Variants in AHNAK observed in about 807,000 individuals in gnomAD.
The protein encoded by AHNAK is AHNAK nucleoprotein.
AHNAK carries 23 observed loss-of-function variants against 37.8 expected under a neutral mutation model. That is an observed-to-expected ratio of 0.61 (90% confidence interval 0.44 to 0.86). AHNAK has a LOEUF of 0.86. Among genes scored for constraint, AHNAK ranks in the 40% least tolerant of loss-of-function variants. AHNAK has a pLI of 0.00. For synonymous variants in AHNAK, 2,481 were observed against 2,636.3 expected, an observed-to-expected ratio of 0.94 and a Z score of 1.80; for missense variants, 7,411 against 7,319.4, an observed-to-expected ratio of 1.01 and a Z score of -0.46.
At position 62,521,597 on chromosome 11, in the gene AHNAK, C is replaced by T; in HGVS notation, c.12820G>A (p.Asp4274Asn). 6.2e-7 allele frequency: 1 copy of T among 1,612,356 alleles called. No homozygotes were observed. ...ACTTTAGGAAGGGAAACATCCACAT[C>T]ACCCTTCACCTTGGGACCTTTCAGA... is the stretch of plus-strand genomic sequence containing the variant. Reference protein sequence around the residue: ...LHLKGPKVKGDVDVSLPKVEG... With the variant: ...LHLKGPKVKGNVDVSLPKVEG... Residue 4274 changes from aspartate to asparagine, a missense_variant, in exon 5 of 5, where the codon GAT (aspartate) becomes AAT (asparagine). By Grantham distance (23) the Asp-to-Asn change is conservative (BLOSUM62 1). Coordinates refer to ENST00000378024, the MANE Select transcript of AHNAK (RefSeq NM_001620.3).
chr11:62,463,422 C>G (rs1400801266), intron 5 of AHNAK, among the ~76,000 whole-genome samples: 2 of 151,948 alleles, frequency 1.3e-5, no homozygotes, highest in Non-Finnish European at 2.9e-5. Context: ...TCGCCTGTCC[C>G]TTTTTCAAGA....
At position 62,531,417 on chromosome 11, in the gene AHNAK, C is replaced by G; in HGVS notation, c.3000G>C (p.Lys1000Asn). The G allele has an allele frequency of 6.2e-7, 1 of 1,614,198 alleles. No individual in the cohort carries two copies. The highest frequency in any genetic ancestry group is 8.5e-7 in the Non-Finnish European group (1 of 1,180,028). ...GCATGCTAAATTTGGGCATTTTAAT[C>G]TTTGGCATCTTCAAGTTCCAGTCAG... is the stretch of plus-strand genomic sequence containing the variant. Reference protein sequence around the residue: ...QGPDWNLKMPKIKMPKFSMPS... With the variant: ...QGPDWNLKMPNIKMPKFSMPS... Residue 1000 changes from lysine (K) to asparagine (N), a missense_variant, in exon 5 of 5, where the codon AAG becomes AAC. By Grantham distance (94) the Lys-to-Asn change is moderately conservative (BLOSUM62 0). Transcript: ENST00000378024.
At position 62,543,028 on chromosome 11, in the gene AHNAK, C is replaced by A. The variant is rs139867034; in HGVS notation, c.-100+3632G>T. ...GCTACCCCCGAGCCCCGCCAGGACA[C>A]GTAGCTGTAGACGGGATCAGCTCCA... On this transcript the variant is annotated intron_variant, in intron 1 of 4. Transcript: ENST00000378024. 2.1e-3 allele frequency among the ~76,000 whole-genome samples: 314 copies of A among 152,270 alleles called. 8 individuals are homozygous for A. The South Asian group carries it at 0.029, about 14-fold the overall frequency.
intron 5 of AHNAK, among the ~76,000 whole-genome samples, chr11:62,456,867 C>T (rs891862077): frequency 6.6e-6 from 1 of 152,196 alleles, no homozygotes; most frequent in Non-Finnish European, 1.5e-5. Flanking sequence ...ATGCCTCCAG[C>T]TCTTTGTCCT....
Position 62,523,701 on chromosome 11 carries a change from C to A in AHNAK, c.10716G>T (p.Leu3572=). 1 of 1,613,432 alleles carries A rather than the reference C, an allele frequency of 6.2e-7. No homozygotes were observed. The highest frequency in any genetic ancestry group is 8.5e-7 in the Non-Finnish European group (1 of 1,179,874). ...DISLPKLEGD[L]KGPEVDIKGP... is the part of the protein sequence containing the mutation. ...CTTTGATATCAACCTCTGGCCCTTTCAGATCCCCTTCAAGTTTGGGAAGAG... is the reference window on the plus strand; with the variant it reads ...CTTTGATATCAACCTCTGGCCCTTTAAGATCCCCTTCAAGTTTGGGAAGAG... The change falls in exon 5 of 5, where the codon CTG becomes CTT. Residue 3572 remains leucine (L), a synonymous_variant. Transcript: ENST00000378024.
At chr11:62,504,931 G>A (rs1193571800) in intron 4 of AHNAK, among the ~76,000 whole-genome samples, 1 of 152,118 alleles carries the variant, frequency 6.6e-6, no homozygotes, top group Non-Finnish European at 1.5e-5. Flanking sequence ...CCACGTGAGA[G>A]ACCCATCCCT....
Position 62,531,184 on chromosome 11 carries a change from C to A in AHNAK, c.3233G>T (p.Gly1078Val). 1 of 1,614,074 alleles carries A rather than the reference C, an allele frequency of 6.2e-7. No individual in the cohort carries two copies. Among genetic ancestry groups the A allele is most frequent in the Non-Finnish European group, 8.5e-7 (1 of 1,180,012 alleles). Reference sequence around the variant, plus strand: ...ATCTACATTTCCTTTCATTTTGGGTCCTTTAAGATCCAGGTCAACATCTGG... The same window carrying A: ...ATCTACATTTCCTTTCATTTTGGGTACTTTAAGATCCAGGTCAACATCTGG... ...SLPDVDLDLK[G>V]PKMKGNVDIS... Residue 1078 changes from glycine to valine, a missense_variant, in exon 5 of 5, where the codon GGA becomes GTA. Transcript: ENST00000378024.
At chr11:62,500,061 G>C (rs1939685215) in intron 4 of AHNAK, among the ~76,000 whole-genome samples, 1 of 152,208 alleles carries the variant, frequency 6.6e-6, no homozygotes, top group Admixed American at 6.5e-5. Context: ...ACAGAATAGA[G>C]AAGAGGGCAG....
At position 62,530,399 on chromosome 11, in the gene AHNAK, C is replaced by G; in HGVS notation, c.4018G>C (p.Asp1340His). Residue 1340 changes from aspartate (D) to histidine (H), a missense_variant, in exon 5 of 5, where the codon GAT becomes CAT. Transcript: ENST00000378024. ...ACCTCAGGCAAGGACACATCCACAT[C>G]TCCCTTCAATTTTGGCCCCTTAAGA... Reference protein sequence around the residue: ...LNLKGPKLKGDVDVSLPEVEG... With the variant: ...LNLKGPKLKGHVDVSLPEVEG... 1.9e-6 allele frequency: 3 copies of G among 1,614,168 alleles called. No homozygotes were observed. The highest frequency in any genetic ancestry group is 2.5e-6 in the Non-Finnish European group (3 of 1,180,038).
Position 62,518,579 on chromosome 11 carries a change from G to A in AHNAK, c.15838C>T (p.Leu5280=). 1 of 1,614,216 alleles carries A rather than the reference G, an allele frequency of 6.2e-7. No homozygotes were observed. The highest frequency in any genetic ancestry group is 8.5e-7 in the Non-Finnish European group (1 of 1,180,038). ...GGCAAGTCTACTCCTGGCCCCTTTA[G>A]AGAAACATCGGGCCCTTCGAGCTTA... ...DVKLEGPDVS[L]KGPGVDLPSV... Residue 5280 remains leucine, a synonymous_variant, in exon 5 of 5, where the codon CTA becomes TTA. Coordinates refer to ENST00000378024, the MANE Select transcript of AHNAK (RefSeq NM_001620.3).
chr11:62,476,367 T>C (rs1478266953), intron 5 of AHNAK, among the ~76,000 whole-genome samples: 1 of 152,192 alleles, frequency 6.6e-6, no homozygotes, highest in African/African-American at 2.4e-5. Flanking sequence ...CCACCCTGCC[T>C]GGGCGACAGA....
intron 5 of AHNAK, among the ~76,000 whole-genome samples, chr11:62,465,755 C>T (rs1053818236): frequency 6.6e-6 from 1 of 152,148 alleles, no homozygotes; most frequent in Admixed American, 6.6e-5. Flanking sequence ...AAGGCAGCCA[C>T]ATGGAGATGG....
At chr11:62,456,571 G>A (rs1350304456) in intron 5 of AHNAK, among the ~76,000 whole-genome samples, 1 of 152,116 alleles carries the variant, frequency 6.6e-6, no homozygotes, top group African/African-American at 2.4e-5. Flanking sequence ...GTTTGACCCT[G>A]GTGGACACTC....
In AHNAK at chr11:62,535,961, A is replaced by C. The variant is rs781172593; in HGVS notation, c.138T>G (p.Thr46=). Residue 46 remains threonine, a synonymous_variant, in exon 3 of 5, where the codon ACT becomes ACG. Coordinates refer to ENST00000378024, the MANE Select transcript of AHNAK (RefSeq NM_001620.3). Reference sequence around the variant, plus strand: ...GTGACTCACCCTCCTTGACCACCCCAGTGCGGGCCGCAGGGGAGTTCTGCG... The same window carrying C: ...GTGACTCACCCTCCTTGACCACCCCCGTGCGGGCCGCAGGGGAGTTCTGCG... ...EVTQNSPAAR[T]GVVKEGDQIV... 1.9e-6 allele frequency: 3 copies of C among 1,611,466 alleles called. No individual in the cohort carries two copies. The highest frequency in any genetic ancestry group is 1.7e-6 in the Non-Finnish European group (2 of 1,179,308).
rs1940843544 is a variant in AHNAK at position 62,533,615 on chromosome 11, C to T, written c.802G>A (p.Gly268Ser). 1.9e-6 allele frequency: 3 copies of T among 1,614,038 alleles called. No homozygotes were observed. Among genetic ancestry groups the T allele is most frequent in the Middle Eastern group, 1.6e-4 (1 of 6,084 alleles). ...GGAACTTGGACCCCTCCTCTGCCAC[C>T]CAAGTCCAAGCCCTTTGCATTGACA... Reference protein sequence around the residue: ...VNVNAKGLDLGGRGGVQVPAV... With the variant: ...VNVNAKGLDLSGRGGVQVPAV... Residue 268 changes from glycine (G) to serine (S), a missense_variant, in exon 5 of 5, where the codon GGT becomes AGT. By Grantham distance (56) the Gly-to-Ser change is moderately conservative. Coordinates refer to ENST00000378024, the MANE Select transcript of AHNAK (RefSeq NM_001620.3).
Position 62,529,550 on chromosome 11 carries a change from T to C in AHNAK, c.4867A>G (p.Asn1623Asp), listed in dbSNP as rs1321195360. Residue 1623 changes from asparagine (N) to aspartate (D), a missense_variant, in exon 5 of 5, where the codon AAT becomes GAT. Coordinates refer to ENST00000378024, the MANE Select transcript of AHNAK (RefSeq NM_001620.3). ...IDVKAPKMDV[N>D]VGDIDIEGPE... The stretch of plus-strand genomic sequence containing the variant: ...CCTTCAATATCAATATCACCAACAT[T>C]CACATCCATCTTAGGGGCTTTCACA... The C allele has an allele frequency of 6.2e-7, 1 of 1,614,098 alleles. No individual in the cohort carries two copies.
In AHNAK at chr11:62,527,327, C is replaced by A. The variant is rs868071812; in HGVS notation, c.7090G>T (p.Gly2364Cys). The A allele has an allele frequency of 1.9e-6, 3 of 1,613,658 alleles. No homozygotes were observed. Among genetic ancestry groups the A allele is most frequent in the Middle Eastern group, 3.3e-4 (2 of 6,082 alleles). Residue 2364 changes from glycine (G) to cysteine (C), a missense_variant, in exon 5 of 5, where the codon GGC (glycine) becomes TGC (cysteine). By Grantham distance (159) the Gly-to-Cys change is radical. Coordinates refer to ENST00000378024, the MANE Select transcript of AHNAK (RefSeq NM_001620.3). ...GGAGTTTTCCACTTGCCATTTGGGC[C>A]TTCCACAGCTACTTCTGGCATGTCA... ...DADMPEVAVEGPNGKWKTPKF... is the reference protein window; with the variant it reads ...DADMPEVAVECPNGKWKTPKF...
Position 62,523,358 on chromosome 11 carries a change from C to T in AHNAK, c.11059G>A (p.Gly3687Ser), listed in dbSNP as rs753993014. 1.7e-5 allele frequency: 27 copies of T among 1,612,672 alleles called. No homozygotes were observed. The highest frequency in any genetic ancestry group is 2.2e-5 in the Non-Finnish European group (26 of 1,179,522). Residue 3687 changes from glycine to serine, a missense_variant, in exon 5 of 5, where the codon GGT becomes AGT. Transcript: ENST00000378024. ...DLNLKGPKMK[G>S]DVVVSLPKVE... ...TTGGGCAAAGACACAACCACATCAC[C>T]CTTCATTTTGGGTCCCTTCAAGTTC...
intron 4 of AHNAK, among the ~76,000 whole-genome samples, chr11:62,502,525 C>T (rs923748714): frequency 6.6e-6 from 1 of 152,146 alleles, no homozygotes; most frequent in East Asian, 1.9e-4. Flanking sequence ...GTTTCTGCCA[C>T]GTGCCATGTG....
Sources: gnomAD v4.1 joint callset for allele counts (sites outside exome capture counted in the v4.1 genomes callset) on GRCh38, gnomAD v4.1.1 for gene constraint, MANE v1.5 for transcripts, NCBI Gene and HGNC (gene_info 2026-07-23, HGNC 2026-07-21) for gene names.